The following SLC35F3 variants were observed in gnomAD, a reference collection of about 807,000 sequenced individuals.
SLC35F3 encodes the protein putative thiamine transporter SLC35F3.
In SLC35F3, 25 loss-of-function variants were observed where a neutral mutation model predicts 49.9. The observed-to-expected ratio is 0.50, with a 90% CI of 0.37 to 0.70. SLC35F3 has a LOEUF of 0.70. Ranked by LOEUF, SLC35F3 falls within the 30% of genes least tolerant of loss-of-function variation. The pLI is 0.00. For synonymous variants in SLC35F3, 275 were observed against 265.4 expected (o/e 1.04, Z -0.35); for missense variants, 525 against 639.8 (o/e 0.82, Z 1.94).
intron 2 of SLC35F3, among the ~76,000 whole-genome samples, chr1:234,143,086 G>A (rs1444038261): frequency 6.6e-6 from 1 of 151,838 alleles, no homozygotes; most frequent in South Asian, 2.1e-4. Context: ...GAACCTGTTC[G>A]GTATAGGCAC....
At chr1:234,285,537 G>C in intron 3 of SLC35F3, 1 of 334,894 alleles carries the variant, frequency 3.0e-6, no homozygotes, top group South Asian at 2.5e-5. Flanking sequence ...TCAGCAGGCT[G>C]ATGAATATGA....
intron 2 of SLC35F3, among the ~76,000 whole-genome samples, chr1:233,994,385 T>C (rs1230217410): frequency 6.6e-6 from 1 of 152,244 alleles, no homozygotes; most frequent in Non-Finnish European, 1.5e-5. Flanking sequence ...TAGGAATTTA[T>C]ACTCAGGTTG....
intron 3 of SLC35F3, among the ~76,000 whole-genome samples, chr1:234,239,463 A>AT (rs1405401149): frequency 1.3e-5 from 2 of 152,208 alleles, no homozygotes; most frequent in Non-Finnish European, 2.9e-5. Flanking sequence ...GAAACTTAAA[A>AT]ATCTCACCAC....
At chr1:233,962,826 C>G (rs1177420294) in intron 2 of SLC35F3, among the ~76,000 whole-genome samples, 1 of 152,174 alleles carries the variant, frequency 6.6e-6, no homozygotes, top group Non-Finnish European at 1.5e-5. Context: ...ATAGTTGAGC[C>G]TTGTGACTAG....
intron 2 of SLC35F3, among the ~76,000 whole-genome samples, chr1:234,100,794 G>A (rs1665203230): frequency 6.6e-6 from 1 of 152,222 alleles, no homozygotes; most frequent in African/African-American, 2.4e-5. Context: ...GCCTCATGCA[G>A]GAGTATGCTT....
intron 2 of SLC35F3, among the ~76,000 whole-genome samples, chr1:234,053,876 G>A (rs1302741475): frequency 2.0e-5 from 3 of 152,104 alleles, no homozygotes; most frequent in African/African-American, 7.2e-5. Flanking sequence ...GTCTGTAAAG[G>A]ATTTTATTTC....
Position 234,323,218 on chromosome 1 carries a change from G to T in SLC35F3, c.1448G>T (p.Arg483Ile). 1 of 1,614,056 alleles carries T rather than the reference G, an allele frequency of 6.2e-7. No individual in the cohort carries two copies. The highest frequency in any genetic ancestry group is 8.5e-7 in the Non-Finnish European group (1 of 1,179,992). Residue 483 changes from arginine (R) to isoleucine (I), a missense_variant, in exon 8 of 8, where the codon AGA becomes ATA. By Grantham distance (97) the Arg-to-Ile change is moderately conservative. Coordinates refer to ENST00000366618, the MANE Select transcript of SLC35F3 (RefSeq NM_173508.4). This position sits in a 1 kb window ranked among gnomAD's most constrained non-coding sequence, Gnocchi z 4.5. ...LSSGPQSKNR[R>I]ARPSFAR ...TCAGGACCTCAGAGCAAGAACAGAA[G>T]AGCCCGCCCTTCCTTCGCCCGCTAA...
chr1:233,987,831 A>C (rs1025973815), intron 2 of SLC35F3, among the ~76,000 whole-genome samples: 5 of 152,098 alleles, frequency 3.3e-5, no homozygotes, highest in African/African-American at 1.2e-4. Flanking sequence ...CCTTTTACAG[A>C]GATTTCTCCA....
At chr1:233,924,813 A>G (rs1447509183) in intron 2 of SLC35F3, among the ~76,000 whole-genome samples, 1 of 152,186 alleles carries the variant, frequency 6.6e-6, no homozygotes, top group Non-Finnish European at 1.5e-5. Context: ...AATGTGTCCC[A>G]GAGATTCTGG....
chr1:234,212,044 T>C (rs1358099019), intron 2 of SLC35F3, among the ~76,000 whole-genome samples: 1 of 152,164 alleles, frequency 6.6e-6, no homozygotes, highest in Non-Finnish European at 1.5e-5. Flanking sequence ...AGGGGGAGTT[T>C]CCCTGCACAA....
At chr1:234,139,990 A>AAAAT (rs1558240093) in intron 2 of SLC35F3, among the ~76,000 whole-genome samples, 1 of 136,334 alleles carries the variant, frequency 7.3e-6, no homozygotes, top group Admixed American at 7.2e-5. Context: ...AAAATAAAAT[A>AAAAT]AAATAAAATA....
chr1:234,112,556 CTTTT>C (rs777353110), intron 2 of SLC35F3, among the ~76,000 whole-genome samples: 2 of 116,344 alleles, frequency 1.7e-5, no homozygotes, highest in Non-Finnish European at 3.5e-5. Flanking sequence ...AATTCACACT[CTTTT>C]TTTTTTTTTT....
chr1:234,098,989 G>A (rs1248804781), intron 2 of SLC35F3, among the ~76,000 whole-genome samples: 1 of 152,050 alleles, frequency 6.6e-6, no homozygotes, highest in Non-Finnish European at 1.5e-5. Flanking sequence ...TGTTGCTGGT[G>A]GTGATAGCAG....
At chr1:234,183,381 T>C (rs1666589225) in intron 2 of SLC35F3, among the ~76,000 whole-genome samples, 1 of 143,382 alleles carries the variant, frequency 7.0e-6, no homozygotes, top group African/African-American at 2.4e-5. Flanking sequence ...TTTTTTCTGA[T>C]TTTTTTCTGG....
chr1:233,939,165 T>C (rs1167334773), intron 2 of SLC35F3, among the ~76,000 whole-genome samples: 1 of 152,196 alleles, frequency 6.6e-6, no homozygotes, highest in African/African-American at 2.4e-5. Flanking sequence ...TAGTTAAGTA[T>C]TGTTGGCCAG....
At chr1:234,253,717 GTTT>G (rs1159670213) in intron 3 of SLC35F3, among the ~76,000 whole-genome samples, 1 of 152,202 alleles carries the variant, frequency 6.6e-6, no homozygotes, top group Non-Finnish European at 1.5e-5. Flanking sequence ...GATGAGCTCA[GTTT>G]TTAAAAGCAT....
intron 2 of SLC35F3, among the ~76,000 whole-genome samples, chr1:234,192,589 G>C (rs944652236): frequency 2.0e-5 from 3 of 152,114 alleles, no homozygotes; most frequent in Non-Finnish European, 2.9e-5. Context: ...GGAGGCCCTA[G>C]CTAGAGCAAT....
intron 2 of SLC35F3, among the ~76,000 whole-genome samples, chr1:233,937,455 G>A (rs918208716): frequency 6.6e-6 from 1 of 152,218 alleles, no homozygotes; most frequent in Non-Finnish European, 1.5e-5. Flanking sequence ...GCAGAGACCA[G>A]TAAAGATAAT....
intron 2 of SLC35F3, among the ~76,000 whole-genome samples, chr1:233,983,928 A>G (rs1663224580): frequency 1.3e-5 from 2 of 152,212 alleles, no homozygotes. Context: ...CCAAGATACA[A>G]CGTTCTAATC....
Sources: allele counts gnomAD v4.1 joint callset (sites outside exome capture counted in the v4.1 genomes callset), GRCh38; gene constraint gnomAD v4.1.1; non-coding constraint Gnocchi (gnomAD v3.1); transcripts MANE v1.5; gene names NCBI Gene and HGNC (gene_info 2026-07-23, HGNC 2026-07-21).